SCFD2: variants seen among roughly 807,000 people sequenced by gnomAD.
The protein encoded by SCFD2 is sec1 family domain containing 2.
SCFD2 carries 54 observed loss-of-function variants against 58.9 expected under a neutral mutation model. That is an observed-to-expected ratio of 0.92 (90% CI 0.74 to 1.15). The LOEUF is 1.15. Ranked by LOEUF, SCFD2 falls within the 50% of genes most tolerant of loss-of-function variation. The pLI is 0.00. For missense variants in SCFD2, 805 were observed against 836.6 expected (o/e 0.96, Z 0.47); for synonymous variants, 321 against 335.9 (o/e 0.96, Z 0.49).
Position 53,217,558 on chromosome 4 carries a change from G to C in SCFD2, c.1311+56268C>G, listed in dbSNP as rs1728891492. On this transcript the variant is annotated intron_variant, in intron 4 of 8. Coordinates refer to ENST00000401642, the MANE Select transcript of SCFD2 (RefSeq NM_152540.4). ...TGTCTCTGCACGTGAGATGGGTCTT[G>C]TGAATACAGCACACTGATGGGTCTT... Among the ~76,000 whole-genome samples the C allele has an allele frequency of 3.3e-5, 5 of 152,106 alleles. No individual in the cohort carries two copies. In the South Asian group the frequency reaches 6.2e-4, roughly 19 times the overall value.
At chr4:53,358,749 G>A (rs1266876503) in intron 1 of SCFD2, among the ~76,000 whole-genome samples, 1 of 152,174 alleles carries the variant, frequency 6.6e-6, no homozygotes, top group African/African-American at 2.4e-5. Context: ...AGGAATTCAT[G>A]AATCAAGTCT....
intron 4 of SCFD2, among the ~76,000 whole-genome samples, chr4:53,156,469 G>A (rs918749870): frequency 1.1e-4 from 16 of 151,340 alleles, no homozygotes; most frequent in Non-Finnish European, 1.5e-4. Flanking sequence ...AGGCCAAGGC[G>A]GGCAGATCAT....
intron 5 of SCFD2, among the ~76,000 whole-genome samples, chr4:52,980,479 G>C (rs1560500671): frequency 6.6e-6 from 1 of 152,176 alleles, no homozygotes; most frequent in Non-Finnish European, 1.5e-5. Flanking sequence ...ATATGAGTTA[G>C]ATCATGTAAA....
chr4:53,080,090 C>A (rs1724096002), intron 5 of SCFD2, among the ~76,000 whole-genome samples: 1 of 152,144 alleles, frequency 6.6e-6, no homozygotes, highest in South Asian at 2.1e-4. Context: ...AGGATAGCAA[C>A]ATACAGAACC....
rs567290732 is a variant in SCFD2, at chr4:53,281,877, G to A, written c.1136-7876C>T. On this transcript the variant is annotated intron_variant, in intron 3 of 8. Transcript: ENST00000401642. ...TCTTTATTTCTTCTTTCCCTCTTTC[G>A]TCTTTTAAATCATCAGTATTTGTAT... 1.8e-4 allele frequency among the ~76,000 whole-genome samples: 27 copies of A among 151,902 alleles called. No homozygotes were observed. In the South Asian group the frequency reaches 2.1e-3, roughly 12 times the overall value.
At chr4:53,266,976 C>T (rs1212456492) in intron 4 of SCFD2, among the ~76,000 whole-genome samples, 1 of 152,178 alleles carries the variant, frequency 6.6e-6, no homozygotes, top group Non-Finnish European at 1.5e-5. Context: ...GAGTGTAAGT[C>T]CAACACAAAT....
chr4:53,006,896 C>T (rs1053825880), intron 5 of SCFD2, among the ~76,000 whole-genome samples: 7 of 152,134 alleles, frequency 4.6e-5, no homozygotes, highest in African/African-American at 1.7e-4. Flanking sequence ...AGGGCAGCTC[C>T]TGCTTGCTCT....
At chr4:53,125,880 T>C (rs1725612643) in intron 5 of SCFD2, among the ~76,000 whole-genome samples, 2 of 152,130 alleles carry the variant, frequency 1.3e-5, no homozygotes, top group African/African-American at 4.8e-5. Context: ...GAGTGATGGT[T>C]CCATCCAGGT....
chr4:53,239,114 C>T (rs1158599951), intron 4 of SCFD2, among the ~76,000 whole-genome samples: 2 of 150,594 alleles, frequency 1.3e-5, no homozygotes, highest in East Asian at 4.0e-4. Flanking sequence ...ATCCCAGCAC[C>T]TCAGGAGGCC....
chr4:53,181,569 G>A (rs1464278059), intron 4 of SCFD2, among the ~76,000 whole-genome samples: 1 of 152,090 alleles, frequency 6.6e-6, no homozygotes, highest in Non-Finnish European at 1.5e-5. Context: ...GGCAAAAACT[G>A]GAAGCATTCC....
intron 2 of SCFD2, among the ~76,000 whole-genome samples, chr4:53,314,031 A>G (rs1338437864): frequency 3.9e-5 from 6 of 152,216 alleles, no homozygotes; most frequent in Non-Finnish European, 5.9e-5. Flanking sequence ...ACTATGTGAT[A>G]AATTTTTTCA....
At chr4:52,959,990 T>C (rs1170072771) in intron 5 of SCFD2, among the ~76,000 whole-genome samples, 1 of 151,208 alleles carries the variant, frequency 6.6e-6, no homozygotes, top group African/African-American at 2.4e-5. Context: ...TGAGAGAAAA[T>C]AGGCTTCATT....
intron 2 of SCFD2, among the ~76,000 whole-genome samples, chr4:53,344,314 C>G (rs1733985399): frequency 6.6e-6 from 1 of 152,084 alleles, no homozygotes; most frequent in Non-Finnish European, 1.5e-5. Flanking sequence ...AACAGACAAA[C>G]TGAGAGCCAA....
intron 4 of SCFD2, among the ~76,000 whole-genome samples, chr4:53,221,194 C>G (rs1729037922): frequency 6.6e-6 from 1 of 152,130 alleles, no homozygotes; most frequent in African/African-American, 2.4e-5. Flanking sequence ...AAATAGGGTT[C>G]AGGAAGGCCA....
At chr4:53,316,478 A>T (rs1412323808) in intron 2 of SCFD2, among the ~76,000 whole-genome samples, 1 of 152,260 alleles carries the variant, frequency 6.6e-6, no homozygotes, top group African/African-American at 2.4e-5. Flanking sequence ...TAATTCATTT[A>T]AAGCACTTTC....
chr4:52,979,739 C>T (rs1444141261), intron 5 of SCFD2, among the ~76,000 whole-genome samples: 3 of 152,146 alleles, frequency 2.0e-5, no homozygotes, highest in Non-Finnish European at 2.9e-5. Flanking sequence ...TGTTTATTTT[C>T]CCTTTGGAAA....
chr4:53,273,161 C>T (rs1204892949), intron 4 of SCFD2, among the ~76,000 whole-genome samples: 4 of 152,056 alleles, frequency 2.6e-5, no homozygotes, highest in Non-Finnish European at 1.5e-5. Context: ...CATATTGAGT[C>T]TATGTGGAAA....
chr4:52,972,036 T>A (rs1233536756), intron 5 of SCFD2, among the ~76,000 whole-genome samples: 2 of 152,062 alleles, frequency 1.3e-5, no homozygotes, highest in Admixed American at 6.6e-5. Flanking sequence ...TGGAAAGGAA[T>A]AACTGGTACC....
chr4:52,885,086 C>T (rs183879454), intron 8 of SCFD2, among the ~76,000 whole-genome samples: 1 of 152,212 alleles, frequency 6.6e-6, no homozygotes, highest in African/African-American at 2.4e-5. Context: ...GGCCACAGAG[C>T]CAGTTTTCTT....
Sources: gnomAD v4.1 joint callset for allele counts (sites outside exome capture counted in the v4.1 genomes callset) on GRCh38, gnomAD v4.1.1 for gene constraint, MANE v1.5 for transcripts, NCBI Gene and HGNC (gene_info 2026-07-23, HGNC 2026-07-21) for gene names.